EPHA8: variants seen among roughly 807,000 people sequenced by gnomAD.
EPHA8 encodes EPH receptor A8.
In EPHA8, 58 loss-of-function variants were observed where a neutral mutation model predicts 103.6. That is an observed-to-expected ratio of 0.56 (90% confidence interval 0.45 to 0.70). The LOEUF is 0.70. EPHA8 is among the 30% of genes least tolerant of loss of function. The pLI, the probability that EPHA8 is intolerant of heterozygous loss-of-function variation, is 0.00. For missense variants in EPHA8, 1,304 were observed against 1,395.2 expected, an observed-to-expected ratio of 0.93 and a Z score of 1.04; for synonymous variants, 559 against 572.5, an observed-to-expected ratio of 0.98 and a Z score of 0.34.
chr1:22,601,623 A>G lies in EPHA8; in HGVS notation c.2904-4A>G, dbSNP rs758278161. ...AGCTGGCCAGCAGCACCCTTCCTTCACAGGGACGTGCGCGCCCTGGGCATC... is the reference window on the plus strand; with the variant it reads ...AGCTGGCCAGCAGCACCCTTCCTTCGCAGGGACGTGCGCGCCCTGGGCATC... On this transcript the variant is annotated splice_polypyrimidine_tract_variant and splice_region_variant and intron_variant, in intron 16 of 16. Coordinates refer to ENST00000166244, the MANE Select transcript of EPHA8 (RefSeq NM_020526.5). The G allele has an allele frequency of 1.9e-6, 3 of 1,588,956 alleles. No individual in the cohort carries two copies. Among genetic ancestry groups the G allele is most frequent in the Non-Finnish European group, 2.6e-6 (3 of 1,167,982 alleles).
At position 22,601,285 on chromosome 1, in the gene EPHA8, GCCCCTGTGCCTCAGGTGCCCAC is replaced by G. The variant is rs1557585833; in HGVS notation, c.2730-8_2743del. The G allele has an allele frequency of 6.3e-7, 1 of 1,587,426 alleles. No individual in the cohort carries two copies. The highest frequency in any genetic ancestry group is 1.1e-5 in the South Asian group (1 of 87,612). On this transcript the variant is annotated splice_acceptor_variant and splice_polypyrimidine_tract_variant and coding_sequence_variant and intron_variant, in exon 16 of 17. Transcript: ENST00000166244. LOFTEE classifies it high-confidence loss of function. ...CGAACCCTCTGGCCACTTACCAAGA[GCCCCTGTGCCTCAGGTGCCCAC>G]CCCCTGCCTTCGTCCGGAGCTGCTT...
At chr1:22,579,097 A>G (rs1350163666) in intron 3 of EPHA8, among the ~76,000 whole-genome samples, 1 of 123,878 alleles carries the variant, frequency 8.1e-6, no homozygotes, top group East Asian at 2.2e-4. Flanking sequence ...GCATGTGTGC[A>G]TGTGTATGTG....
intron 2 of EPHA8, among the ~76,000 whole-genome samples, chr1:22,571,277 G>A (rs1274939782): frequency 6.6e-6 from 1 of 152,188 alleles, no homozygotes; most frequent in Non-Finnish European, 1.5e-5. Context: ...ACTTAGATTC[G>A]CTGAGCTCTG....
rs185963936 is a variant in EPHA8, at chr1:22,590,957, C to G, written c.1315+1751C>G. ...TCATGCATGTCACATCCATCCCCCC[C>G]TAAAGCCCCAGGGACCTCCCTTCAA... On this transcript the variant is annotated intron_variant, in intron 5 of 16. Coordinates refer to ENST00000166244, the MANE Select transcript of EPHA8 (RefSeq NM_020526.5). 2.0e-5 allele frequency among the ~76,000 whole-genome samples: 3 copies of G among 152,014 alleles called. No individual in the cohort carries two copies. The East Asian group carries it at 5.8e-4, about 29-fold the overall frequency.
Position 22,567,922 on chromosome 1 carries a change from TAC to T in EPHA8, c.95-1365_95-1364del, listed in dbSNP as rs1247489681. Among the ~76,000 whole-genome samples, 2 of 152,114 alleles carry T rather than the reference TAC, an allele frequency of 1.3e-5. No individual in the cohort carries two copies. Among genetic ancestry groups the T allele is most frequent in the Non-Finnish European group, 2.9e-5 (2 of 68,034 alleles). On this transcript the variant is annotated intron_variant, in intron 1 of 16. Transcript: ENST00000166244. The surrounding 1 kb of genome is among the most constrained non-coding windows in gnomAD (Gnocchi z 4.2). ...GACTCTGGAGCCAAAAGCCCTCTCA[TAC>T]AGCAATCACCAGCTAGATCAAAAGG...
intron 13 of EPHA8, among the ~76,000 whole-genome samples, chr1:22,599,641 GGGAGGGAAGGAAGGAAA>G (rs1557583009): frequency 2.2e-4 from 16 of 73,492 alleles, no homozygotes; most frequent in African/African-American, 1.3e-3. Context: ...AAGGAAGGGA[GGGAGGGAAGGAAGGAAA>G]GGAGGGAGGG....
At chr1:22,581,346 G>A (rs60429846) in intron 3 of EPHA8, among the ~76,000 whole-genome samples, 5,621 of 152,280 alleles carry the variant, frequency 0.037, 369 homozygotes, top group African/African-American at 0.13. Flanking sequence ...ACTCAGGGTC[G>A]GCCACCGTCC....
rs1438947882 is a variant in EPHA8, at chr1:22,602,097, CAT to C, written c.*357_*358del. 43 of 395,276 alleles carry C rather than the reference CAT, an allele frequency of 1.1e-4. No individual in the cohort carries two copies. The highest frequency in any genetic ancestry group is 2.2e-4 in the East Asian group (4 of 17,952). The allele number at this position is 395,276 out of a possible 1,614,324, so 24.5% of individuals were successfully genotyped here. On this transcript the variant is annotated 3_prime_UTR_variant, in exon 17 of 17. Transcript: ENST00000166244. ...GTGTTCTCACAAGGTCATGGGATCT[CAT>C]GTGAACAGTGTGTGATCAAGTGTGT...
chr1:22,585,726 G>A (rs972933159), intron 3 of EPHA8, among the ~76,000 whole-genome samples: 2 of 152,216 alleles, frequency 1.3e-5, no homozygotes, highest in South Asian at 2.1e-4. Flanking sequence ...GGGTGTGGCA[G>A]TGGCTGGAGA....
Position 22,578,626 on chromosome 1 carries a change from TGTGC to T in EPHA8, c.823+1747_823+1750del, listed in dbSNP as rs1380634782. 1.0e-3 allele frequency among the ~76,000 whole-genome samples: 155 copies of T among 147,880 alleles called. 3 individuals are homozygous for T. The East Asian group carries it at 0.025, about 23-fold the overall frequency. The stretch of plus-strand genomic sequence containing the variant: ...GTGTGCATGAGTGTATGTCTGCGTG[TGTGC>T]ATGTGTGTATGTGTATGTGTGTGCA... On this transcript the variant is annotated intron_variant, in intron 3 of 16. Coordinates refer to ENST00000166244, the MANE Select transcript of EPHA8 (RefSeq NM_020526.5).
In EPHA8 at chr1:22,588,978, A is replaced by T. The variant is rs766048193; in HGVS notation, c.1087A>T (p.Asn363Tyr). ...AGGTGGCCGCAGTGACATCACCTAC[A>T]ATGCCGTGTGCCGCCGCTGCCCCTG... ...DPGGRSDITYNAVCRRCPWAL... is the reference protein window; with the variant it reads ...DPGGRSDITYYAVCRRCPWAL... The change falls in exon 5 of 17, where the codon AAT becomes TAT. Residue 363 changes from asparagine to tyrosine, a missense_variant. Physicochemically the swap from Asn to Tyr is moderately radical, Grantham distance 143. Transcript: ENST00000166244. 1.2e-6 allele frequency: 2 copies of T among 1,613,396 alleles called. No homozygotes were observed. Among genetic ancestry groups the T allele is most frequent in the African/African-American group, 2.7e-5 (2 of 74,918 alleles).
At position 22,601,943 on chromosome 1, in the gene EPHA8, G is replaced by A. The variant is rs1641751032; in HGVS notation, c.*202G>A. 1.6e-6 allele frequency: 1 copy of A among 607,384 alleles called. No individual in the cohort carries two copies. The highest frequency in any genetic ancestry group is 1.9e-5 in the African/African-American group (1 of 51,894). The allele number at this position is 607,384 out of a possible 1,614,324, so 37.6% of individuals were successfully genotyped here. A position where few individuals can be genotyped will look rare whatever the true frequency, so the allele number is the denominator to read the frequency against. On this transcript the variant is annotated 3_prime_UTR_variant, in exon 17 of 17. Transcript: ENST00000166244. The stretch of plus-strand genomic sequence containing the variant: ...GGAAGGGGCCTTTGGTGGCCACCCT[G>A]GTGAGGACACCTGTCCCCCAGGGCA...
chr1:22,593,229 G>A, intron 5 of EPHA8, 97 bp from the exon 6 acceptor site: 3 of 1,489,228 alleles, frequency 2.0e-6, no homozygotes, highest in Non-Finnish European at 1.8e-6. Context: ...GCTGAGCAGG[G>A]CTGGAACCAG....
At position 22,593,676 on chromosome 1, in the gene EPHA8, C is replaced by T. The variant is rs758976345; in HGVS notation, c.1593C>T (p.Thr531=). The T allele has an allele frequency of 4.1e-5, 65 of 1,594,656 alleles. No individual in the cohort carries two copies. Among genetic ancestry groups the T allele is most frequent in the African/African-American group, 8.0e-5 (6 of 74,612 alleles). Residue 531 remains threonine, a synonymous_variant, in exon 7 of 17, where the codon ACC becomes ACT. Transcript: ENST00000166244. Reference sequence around the variant, plus strand: ...TCAGCCAGGCCATGGAGGTGGAGACCGGGAAACCCCGTGAGTGCAGGGAGG... The same window carrying T: ...TCAGCCAGGCCATGGAGGTGGAGACTGGGAAACCCCGTGAGTGCAGGGAGG... ...GRFSQAMEVE[T]GKPRPRYDTR...
intron 2 of EPHA8, among the ~76,000 whole-genome samples, chr1:22,574,372 A>C (rs1409612748): frequency 2.6e-5 from 4 of 152,246 alleles, no homozygotes; most frequent in Non-Finnish European, 2.9e-5. Flanking sequence ...CCTTGGTGAC[A>C]TGTAGTGCAT....
chr1:22,595,201 G>A (rs1276004632), intron 7 of EPHA8, 29 bp from the exon 8 acceptor site: 2 of 1,580,672 alleles, frequency 1.3e-6, no homozygotes, highest in Non-Finnish European at 1.7e-6. Context: ...CTGAGAGCCT[G>A]GTCCCCCAAC....
Position 22,597,288 on chromosome 1 carries a change from G to A in EPHA8, c.1766-24G>A. On this transcript the variant is annotated intron_variant, in intron 9 of 16. Coordinates refer to ENST00000166244, the MANE Select transcript of EPHA8 (RefSeq NM_020526.5). The surrounding 1 kb of genome is among the most constrained non-coding windows in gnomAD (Gnocchi z 4.6). ...AAAGCAATCTCTCCTGGGCCCCACT[G>A]AAGGCCCTCCTCCCGCCCCTCAGCA... 6.3e-7 allele frequency: 1 copy of A among 1,576,474 alleles called. No homozygotes were observed. The highest frequency in any genetic ancestry group is 1.3e-5 in the African/African-American group (1 of 74,198).
chr1:22,577,651 A>G (rs975274249), intron 3 of EPHA8, among the ~76,000 whole-genome samples: 18 of 152,012 alleles, frequency 1.2e-4, no homozygotes, highest in Non-Finnish European at 2.4e-4. Flanking sequence ...GTGAGAAGAG[A>G]GCCCCTGGGC....
intron 1 of EPHA8, among the ~76,000 whole-genome samples, chr1:22,566,313 C>T (rs1380640339): frequency 6.6e-6 from 1 of 152,256 alleles, no homozygotes; most frequent in Non-Finnish European, 1.5e-5. Flanking sequence ...GCCTCACCAT[C>T]ATGCGCTGCG....
Sources: allele counts gnomAD v4.1 joint callset (sites outside exome capture counted in the v4.1 genomes callset), GRCh38; gene constraint gnomAD v4.1.1; non-coding constraint Gnocchi (gnomAD v3.1); transcripts MANE v1.5; gene names NCBI Gene and HGNC (gene_info 2026-07-23, HGNC 2026-07-21).